Variants in HIP1R observed in about 807,000 individuals in gnomAD.
HIP1R encodes the protein huntingtin-interacting protein 1-related protein.
A neutral mutation model predicts 144.2 loss-of-function variants in HIP1R; 135 were observed. The ratio of observed to expected loss-of-function variants is 0.94; its 90% confidence interval spans 0.81 to 1.08. The LOEUF (loss-of-function observed/expected upper bound fraction) is 1.08, where lower values mean the gene tolerates loss of function less well. Among genes scored for constraint, HIP1R ranks in the 50% least tolerant of loss-of-function variants. The pLI is 0.00. For synonymous variants in HIP1R, 698 were observed against 612.8 expected (o/e 1.14, Z -2.05); for missense variants, 1,462 against 1,432.8 (o/e 1.02, Z -0.33).
chr12:122,857,137 G>A lies in HIP1R; in HGVS notation c.1737G>A (p.Glu579=). The A allele has an allele frequency of 6.4e-7, 1 of 1,550,498 alleles. No individual in the cohort carries two copies. The highest frequency in any genetic ancestry group is 8.7e-7 in the Non-Finnish European group (1 of 1,146,924). ...TGGCGGCGCAGAGCCTGGTGCGCGA[G>A]ACAGAGGCGGCGCTGAGCCGGGAGC... ...DLLAAQSLVR[E]TEAALSREQQ... The change falls in exon 18 of 32, where the codon GAG becomes GAA. Residue 579 remains glutamate, a synonymous_variant. Coordinates refer to ENST00000253083, the MANE Select transcript of HIP1R (RefSeq NM_003959.3).
Position 122,855,062 on chromosome 12 carries a change from C to G in HIP1R, c.786C>G (p.Asn262Lys). The G allele has an allele frequency of 6.2e-7, 1 of 1,613,880 alleles. No individual in the cohort carries two copies. The highest frequency in any genetic ancestry group is 8.5e-7 in the Non-Finnish European group (1 of 1,179,992). The change falls in exon 10 of 32, where the codon AAC becomes AAG. Residue 262 changes from asparagine (N) to lysine (K), a missense_variant. Physicochemically the swap from Asn to Lys is moderately conservative, Grantham distance 94. Around this residue, in one of 2 missense-constraint regions of HIP1R, gnomAD observed 350 missense variants for 421.1 expected, o/e 0.83. Coordinates refer to ENST00000253083, the MANE Select transcript of HIP1R (RefSeq NM_003959.3). The part of the protein sequence containing the change: ...RFHEQFHSLR[N>K]FFRRASDMLY... ...CCCACCATCTCTGCAGCCTCAGGAA[C>G]TTCTTCCGCAGAGCCTCCGACATGC...
At position 122,840,964 on chromosome 12, in the gene HIP1R, C is replaced by A. The variant is rs1000136784; in HGVS notation, c.93+5321C>A. 3.9e-5 allele frequency among the ~76,000 whole-genome samples: 6 copies of A among 152,176 alleles called. No homozygotes were observed. The highest frequency in any genetic ancestry group is 8.8e-5 in the Non-Finnish European group (6 of 68,038). The stretch of plus-strand genomic sequence containing the variant: ...CCAGAAGCCAGCCTCCCAGCCAGCG[C>A]TGCACCGGTCATTCGCGAATGAAAC... On this transcript the variant is annotated intron_variant, in intron 1 of 31. Coordinates refer to ENST00000253083, the MANE Select transcript of HIP1R (RefSeq NM_003959.3). The surrounding 1 kb of genome is among the most constrained non-coding windows in gnomAD (Gnocchi z 4.2).
At chr12:122,849,076 G>A (rs1402423519) in intron 4 of HIP1R, among the ~76,000 whole-genome samples, 6 of 152,250 alleles carry the variant, frequency 3.9e-5, no homozygotes, top group South Asian at 2.1e-4. Context: ...GAAGTCACCC[G>A]GGCCCTTTAG....
Position 122,862,916 on chromosome 12 carries a change from G to GAAGT in HIP1R, c.*1164_*1167dup, listed in dbSNP as rs1188911200. ...TGGCTTTGTGTTAGCATTTCCTCCT[G>GAAGT]AAGTGTTCTGTTGGCAATAAAATGC... is the stretch of plus-strand genomic sequence containing the variant. On this transcript the variant is annotated 3_prime_UTR_variant, in exon 32 of 32. Coordinates refer to ENST00000253083, the MANE Select transcript of HIP1R (RefSeq NM_003959.3). 5.9e-5 allele frequency: 9 copies of GAAGT among 152,226 alleles called. No individual in the cohort carries two copies. The highest frequency in any genetic ancestry group is 5.9e-4 in the Admixed American group (9 of 15,290). The allele number at this position is 152,226 out of a possible 1,614,324, so 9.4% of individuals were successfully genotyped here.
At chr12:122,856,847 C>A in intron 17 of HIP1R, 121 bp downstream of exon 17, 2 of 1,070,188 alleles carry the variant, frequency 1.9e-6, no homozygotes, top group Non-Finnish European at 2.7e-6. Context: ...GGATGCAGCC[C>A]TGACCCAGAC....
At chr12:122,844,891 C>T (rs1397818933) in intron 1 of HIP1R, among the ~76,000 whole-genome samples, 2 of 152,288 alleles carry the variant, frequency 1.3e-5, no homozygotes, top group Non-Finnish European at 2.9e-5. Flanking sequence ...ACATGGGGCA[C>T]AAATGCAGGC....
rs1025095539 is a variant in HIP1R, at chr12:122,836,468, C to T, written c.93+825C>T. ...GTGCGTTTTGTACTTGTGTTTGTGC[C>T]GGGGACCCACGATGCAGACGTTGCT... On this transcript the variant is annotated intron_variant, in intron 1 of 31. Transcript: ENST00000253083. The surrounding 1 kb of genome is among the most constrained non-coding windows in gnomAD (Gnocchi z 4.1). Among the ~76,000 whole-genome samples the T allele has an allele frequency of 6.6e-6, 1 of 152,030 alleles. No individual in the cohort carries two copies.
chr12:122,845,384 C>T (rs1376730033), intron 1 of HIP1R, among the ~76,000 whole-genome samples: 2 of 152,242 alleles, frequency 1.3e-5, no homozygotes, highest in East Asian at 3.8e-4. Context: ...CTAGACACAA[C>T]GGGGCTGTGT....
In HIP1R at chr12:122,843,606, C is replaced by T. The variant is rs376980944; in HGVS notation, c.94-4425C>T. On this transcript the variant is annotated intron_variant, in intron 1 of 31. Coordinates refer to ENST00000253083, the MANE Select transcript of HIP1R (RefSeq NM_003959.3). Reference sequence around the variant, plus strand: ...CCTGAGCTTTGTCCCCACTCTCTGTCCTTAAAGGTCAGGCCCCTCCTGCTG... The same window carrying T: ...CCTGAGCTTTGTCCCCACTCTCTGTTCTTAAAGGTCAGGCCCCTCCTGCTG... 2.0e-4 allele frequency among the ~76,000 whole-genome samples: 30 copies of T among 152,306 alleles called. 1 individual carries two copies. In the South Asian group the frequency reaches 4.3e-3, roughly 22 times the overall value.
At chr12:122,854,717 C>T (rs927994456) in intron 8 of HIP1R, among the ~76,000 whole-genome samples, 188 bp from the exon 9 acceptor site, 1 of 152,210 alleles carries the variant, frequency 6.6e-6, no homozygotes, top group African/African-American at 2.4e-5. Flanking sequence ...CCTTCTCTAG[C>T]TCAGTCTGAA....
At chr12:122,859,278 G>A in intron 22 of HIP1R, 81 bp downstream of exon 22, 13 of 1,501,646 alleles carry the variant, frequency 8.7e-6, no homozygotes, top group Non-Finnish European at 1.2e-5. Flanking sequence ...GGCTGAACAG[G>A]TGTTTGTGCG....
intron 17 of HIP1R, 21 bp downstream of exon 17, chr12:122,856,747 T>TG (rs1418464610): frequency 5.2e-6 from 8 of 1,545,054 alleles, no homozygotes; most frequent in Non-Finnish European, 7.0e-6. Context: ...CTTTGATGAC[T>TG]GGAGGTGGGG....
At chr12:122,855,209 GGAA>G in intron 10 of HIP1R, 53 bp from the exon 11 acceptor site, 1 of 1,610,730 alleles carries the variant, frequency 6.2e-7, no homozygotes, top group South Asian at 1.1e-5. Context: ...TGGAGATGGC[GGAA>G]GGAGGGCTTG....
intron 1 of HIP1R, among the ~76,000 whole-genome samples, chr12:122,839,375 C>A (rs943291393): frequency 1.3e-5 from 2 of 152,196 alleles, no homozygotes; most frequent in Non-Finnish European, 2.9e-5. Flanking sequence ...CTGGCCACTG[C>A]TGAGTGAGCC....
chr12:122,851,303 C>A lies in HIP1R; in HGVS notation c.577+6C>A. On this transcript the variant is annotated splice_donor_region_variant and intron_variant, in intron 7 of 31. Coordinates refer to ENST00000253083, the MANE Select transcript of HIP1R (RefSeq NM_003959.3). The stretch of plus-strand genomic sequence containing the variant: ...GCTGAAGCTTTCTGAATCAGGTGAG[C>A]CGTAAAGAGGGGATGCGGGGGTCTG... 6.5e-7 allele frequency: 1 copy of A among 1,548,110 alleles called. No homozygotes were observed. Among genetic ancestry groups the A allele is most frequent in the Non-Finnish European group, 8.7e-7 (1 of 1,155,056 alleles).
intron 1 of HIP1R, among the ~76,000 whole-genome samples, chr12:122,846,650 C>T (rs1482562776): frequency 6.6e-6 from 1 of 152,148 alleles, no homozygotes; most frequent in Non-Finnish European, 1.5e-5. Flanking sequence ...AGCTCCTCCC[C>T]GACTACAGGG....
Position 122,835,461 on chromosome 12 carries a change from TGGCCTCGC to T in HIP1R, c.-87_-80del. The T allele has an allele frequency of 1.7e-6, 2 of 1,147,174 alleles. No individual in the cohort carries two copies. Among genetic ancestry groups the T allele is most frequent in the Non-Finnish European group, 2.1e-6 (2 of 934,436 alleles). The allele number at this position is 1,147,174 out of a possible 1,614,324, so 71.1% of individuals were successfully genotyped here. On this transcript the variant is annotated 5_prime_UTR_variant, in exon 1 of 32. Coordinates refer to ENST00000253083, the MANE Select transcript of HIP1R (RefSeq NM_003959.3). ...GCGGGCGGGCCCGGGCGCGGCGCGG[TGGCCTCGC>T]GGTGCCTAGGCTGGGGCTGCCGGAC... is the stretch of plus-strand genomic sequence containing the variant.
intron 7 of HIP1R, among the ~76,000 whole-genome samples, chr12:122,852,729 A>C (rs907404185): frequency 6.6e-6 from 1 of 152,084 alleles, no homozygotes; most frequent in Non-Finnish European, 1.5e-5. Flanking sequence ...CAGAGAACGG[A>C]GGGTGGTGGG....
chr12:122,857,313 A>C (rs537855694), intron 18 of HIP1R, 98 bp downstream of exon 18: 2 of 1,203,466 alleles, frequency 1.7e-6, no homozygotes, highest in East Asian at 5.1e-5. Flanking sequence ...GATTTCATGT[A>C]AAGGGGATCA....
Sources: allele counts gnomAD v4.1 joint callset (sites outside exome capture counted in the v4.1 genomes callset), GRCh38; gene constraint gnomAD v4.1.1; regional missense constraint gnomAD v4.1.1; non-coding constraint Gnocchi (gnomAD v3.1); transcripts MANE v1.5; gene names NCBI Gene and HGNC (gene_info 2026-07-23, HGNC 2026-07-21).